Variants in AUTS2 observed in about 807,000 individuals in gnomAD.
AUTS2 encodes the protein autism susceptibility gene 2 protein.
In AUTS2, 17 loss-of-function variants were observed where a neutral mutation model predicts 112.4. The observed-to-expected ratio is 0.15, with a 90% confidence interval of 0.10 to 0.23. The LOEUF is 0.23. Among genes scored for constraint, AUTS2 ranks in the 10% least tolerant of loss-of-function variants. AUTS2 has a pLI of 1.00. For synonymous variants in AUTS2, 751 were observed against 702.7 expected (o/e 1.07, Z -1.09); for missense variants, 1,510 against 1,701.6 (o/e 0.89, Z 1.98).
At chr7:69,692,056 G>C (rs2129179946) in intron 1 of AUTS2, among the ~76,000 whole-genome samples, 1 of 152,270 alleles carries the variant, frequency 6.6e-6, no homozygotes, top group African/African-American at 2.4e-5. Context: ...GCTTCAGCGG[G>C]GCCAGTGCCT....
intron 1 of AUTS2, among the ~76,000 whole-genome samples, chr7:69,758,845 C>T (rs1788047885): frequency 1.3e-5 from 2 of 152,274 alleles, no homozygotes; most frequent in African/African-American, 4.8e-5. Flanking sequence ...AGATGATCAT[C>T]AGCAGCTTTA....
intron 1 of AUTS2, among the ~76,000 whole-genome samples, chr7:69,662,078 G>A (rs1052878703): frequency 6.6e-6 from 1 of 151,576 alleles, no homozygotes; most frequent in African/African-American, 2.4e-5. Flanking sequence ...CTCTCCCACC[G>A]CCCATGTATA....
At chr7:70,126,491 G>A (rs73160177) in intron 3 of AUTS2, among the ~76,000 whole-genome samples, 4,384 of 152,196 alleles carry the variant, frequency 0.029, 70 homozygotes, top group Middle Eastern at 0.055. Flanking sequence ...GGAATAATTG[G>A]CCACAAGGAC....
chr7:69,618,007 A>G (rs1006739563), intron 1 of AUTS2, among the ~76,000 whole-genome samples: 4 of 152,226 alleles, frequency 2.6e-5, no homozygotes, highest in Non-Finnish European at 5.9e-5. Context: ...ACATGCATTA[A>G]CACATCTAAC....
At chr7:70,408,742 T>G (rs1221111266) in intron 4 of AUTS2, among the ~76,000 whole-genome samples, 1 of 152,180 alleles carries the variant, frequency 6.6e-6, no homozygotes. Context: ...AGAGAAGTAG[T>G]TAGGAGCTGT....
intron 4 of AUTS2, among the ~76,000 whole-genome samples, chr7:70,209,414 G>C (rs1810740570): frequency 6.6e-6 from 1 of 152,166 alleles, no homozygotes; most frequent in Non-Finnish European, 1.5e-5. Context: ...CATCTGGGCA[G>C]GTAAAGAATC....
At chr7:70,189,833 T>C (rs768335635) in intron 4 of AUTS2, among the ~76,000 whole-genome samples, 2 of 152,192 alleles carry the variant, frequency 1.3e-5, no homozygotes. Context: ...CATTTCCAGC[T>C]ACATTGACTA....
At chr7:70,078,925 C>T (rs975316931) in intron 2 of AUTS2, among the ~76,000 whole-genome samples, 2 of 152,182 alleles carry the variant, frequency 1.3e-5, no homozygotes, top group African/African-American at 4.8e-5. Context: ...TCAGACACAT[C>T]TGTATTAGAA....
chr7:69,858,805 G>C (rs1192541523), intron 1 of AUTS2, among the ~76,000 whole-genome samples: 1 of 152,204 alleles, frequency 6.6e-6, no homozygotes, highest in Non-Finnish European at 1.5e-5. Context: ...CTCACTCTTT[G>C]GAATCATGAG....
At chr7:70,204,015 G>C in intron 4 of AUTS2, among the ~76,000 whole-genome samples, 1 of 143,994 alleles carries the variant, frequency 6.9e-6, no homozygotes, top group East Asian at 2.0e-4. Flanking sequence ...GAGCATTTTT[G>C]TATATACGTG....
At chr7:69,957,466 G>A (rs1280351469) in intron 2 of AUTS2, among the ~76,000 whole-genome samples, 3 of 151,956 alleles carry the variant, frequency 2.0e-5, no homozygotes, top group Admixed American at 6.6e-5. Flanking sequence ...ATATCATTAT[G>A]TTGGATAAAA....
chr7:70,745,101 T>A (rs994599342), intron 6 of AUTS2, among the ~76,000 whole-genome samples: 2 of 152,180 alleles, frequency 1.3e-5, no homozygotes, highest in Non-Finnish European at 2.9e-5. Flanking sequence ...GTCCTTATTA[T>A]ACGTTTCTGT....
At chr7:69,975,314 A>G (rs1584514505) in intron 2 of AUTS2, among the ~76,000 whole-genome samples, 1 of 151,882 alleles carries the variant, frequency 6.6e-6, no homozygotes, top group South Asian at 2.1e-4. Context: ...AAGTTTAACT[A>G]TGATGTGTCT....
At chr7:70,400,928 A>T (rs1366986002) in intron 4 of AUTS2, among the ~76,000 whole-genome samples, 4 of 152,162 alleles carry the variant, frequency 2.6e-5, no homozygotes, top group Non-Finnish European at 2.9e-5. Flanking sequence ...TAGAAGGTTA[A>T]TCTGGCAGCA....
intron 4 of AUTS2, among the ~76,000 whole-genome samples, chr7:70,245,037 TTGAACCCAGGAGATGAAG>T (rs923465859): frequency 6.6e-6 from 1 of 150,398 alleles, no homozygotes; most frequent in African/African-American, 2.5e-5. Flanking sequence ...GGAGAATCAC[TTGAACCCAGGAGATGAAG>T]GTTGCAGTGA....
At chr7:70,616,683 C>T (rs530600411) in intron 5 of AUTS2, among the ~76,000 whole-genome samples, 61 of 151,450 alleles carry the variant, frequency 4.0e-4, no homozygotes, top group Non-Finnish European at 2.9e-4. Context: ...TAAAAATCAA[C>T]GTATCTTTAA....
chr7:69,623,381 A>ATT lies in AUTS2; in HGVS notation c.309+23443_309+23444dup, dbSNP rs56204810. Among the ~76,000 whole-genome samples, 716 of 71,930 alleles carry ATT rather than the reference A, an allele frequency of 1.0e-2. 47 individuals carry two copies. Among genetic ancestry groups the ATT allele is most frequent in the African/African-American group, 0.029 (541 of 18,344 alleles). 47.2% of individuals were successfully genotyped at this position (71,930 alleles called of 152,430 possible). ...GGGACTACCACCACCACGCCCAGCA[A>ATT]TTTTTTTTTTTTTTTTTTTTTTTTT... On this transcript the variant is annotated intron_variant, in intron 1 of 18. Coordinates refer to ENST00000342771, the MANE Select transcript of AUTS2 (RefSeq NM_015570.4).
intron 1 of AUTS2, among the ~76,000 whole-genome samples, chr7:69,633,625 A>G (rs927779656): frequency 1.3e-5 from 2 of 151,986 alleles, no homozygotes; most frequent in African/African-American, 4.8e-5. Flanking sequence ...TTACTTTTTG[A>G]TGTAAGAGCT....
intron 5 of AUTS2, among the ~76,000 whole-genome samples, chr7:70,608,254 C>A (rs1445853136): frequency 6.6e-6 from 1 of 152,114 alleles, no homozygotes; most frequent in Non-Finnish European, 1.5e-5. Flanking sequence ...CAGGCATACA[C>A]CACCATACCC....
Sources: gnomAD v4.1 joint callset for allele counts (sites outside exome capture counted in the v4.1 genomes callset) on GRCh38, gnomAD v4.1.1 for gene constraint, MANE v1.5 for transcripts, NCBI Gene and HGNC (gene_info 2026-07-23, HGNC 2026-07-21) for gene names.